The following F9 variants were observed in gnomAD, a reference collection of about 807,000 sequenced individuals.
F9 encodes the protein coagulation factor IX, also known as Christmas factor.
Under a neutral mutation model 34.1 loss-of-function variants are expected in F9, and 2 were observed. That is an observed-to-expected ratio of 0.06 (90% CI 0.02 to 0.18). F9 has a LOEUF of 0.18. Ranked by LOEUF, F9 falls within the 10% of genes least tolerant of loss-of-function variation. The pLI, the probability that F9 is intolerant of heterozygous loss-of-function variation, is 1.00. For synonymous variants in F9, 137 were observed against 118.8 expected (o/e 1.15, Z -1.00); for missense variants, 216 against 345.1 (o/e 0.63, Z 2.96).
chrX:139,558,373 C>A (rs1928018153), intron 6 of F9, among the ~76,000 whole-genome samples: 1 of 113,530 alleles, frequency 8.8e-6, no homozygotes, highest in Non-Finnish European at 1.9e-5. Flanking sequence ...GACACATCAT[C>A]CCCTGCTGGG....
In F9 at chrX:139,544,887, G is replaced by A. The variant is rs185479947; in HGVS notation, c.392-3476G>A. 1.1e-3 allele frequency: 128 copies of A among 111,880 alleles called. 2 individuals are homozygous for A. Among genetic ancestry groups the A allele is most frequent in the African/African-American group, 3.9e-3 (119 of 30,838 alleles). The allele number at this position is 111,880 out of a possible 1,213,427, so 9.2% of individuals were successfully genotyped here. A position where few individuals can be genotyped will look rare whatever the true frequency, so the allele number is the denominator to read the frequency against. ...TGTCTGTCAGTATCTGTCTCTCATT[G>A]GTTAGAAGTTCGACTTATGGGGAAT... On this transcript the variant is annotated intron_variant, in intron 4 of 7. Coordinates refer to ENST00000218099, the MANE Select transcript of F9 (RefSeq NM_000133.4).
At chrX:139,535,132 C>T (rs1927427150) in intron 1 of F9, among the ~76,000 whole-genome samples, 1 of 111,436 alleles carries the variant, frequency 9.0e-6, no homozygotes, top group Non-Finnish European at 1.9e-5. Flanking sequence ...AGGCAGATCA[C>T]TTGAGGTCAG....
intron 1 of F9, among the ~76,000 whole-genome samples, chrX:139,534,839 G>C (rs1927419672): frequency 3.6e-5 from 4 of 111,562 alleles, no homozygotes; most frequent in Admixed American, 1.9e-4. Flanking sequence ...CCAGGGCCAA[G>C]TAAATGAGTT....
At chrX:139,536,766 T>C (rs954354536) in intron 1 of F9, among the ~76,000 whole-genome samples, 1 of 112,195 alleles carries the variant, frequency 8.9e-6, no homozygotes, top group Non-Finnish European at 1.9e-5. Context: ...AATTCAAATA[T>C]GATTAGAAAT....
At chrX:139,533,662 G>GTAGTCAACCA (rs1927394002) in intron 1 of F9, among the ~76,000 whole-genome samples, 1 of 111,979 alleles carries the variant, frequency 8.9e-6, no homozygotes, top group African/African-American at 3.2e-5. Context: ...ACAGTGCCTG[G>GTAGTCAACCA]CAGTAGTGGT....
At chrX:139,558,325 C>T (rs1928017034) in intron 6 of F9, among the ~76,000 whole-genome samples, 1 of 113,505 alleles carries the variant, frequency 8.8e-6, no homozygotes, top group Non-Finnish European at 1.9e-5. Flanking sequence ...CACCTCTCCA[C>T]CTTGATTGCC....
At chrX:139,555,100 A>C (rs1369980750) in intron 6 of F9, among the ~76,000 whole-genome samples, 1 of 112,420 alleles carries the variant, frequency 8.9e-6, no homozygotes, top group Non-Finnish European at 1.9e-5. Context: ...CTTTCCAACC[A>C]ACAACCACTG....
At chrX:139,548,257 GA>G in intron 4 of F9, 105 bp from the exon 5 acceptor site, 13 of 879,920 alleles carry the variant, frequency 1.5e-5, no homozygotes, top group African/African-American at 2.0e-5. Flanking sequence ...GGGGCAACAT[GA>G]ATGCCCCCAA....
Position 139,548,250 on chromosome X carries a change from G to A in F9, c.392-113G>A, listed in dbSNP as rs749470342. Reference sequence around the variant, plus strand: ...TTTCTCTCCCCAACGTATATTGGGGGCAACATGAATGCCCCCAATGTATAT... The same window carrying A: ...TTTCTCTCCCCAACGTATATTGGGGACAACATGAATGCCCCCAATGTATAT... On this transcript the variant is annotated intron_variant, in intron 4 of 7. Transcript: ENST00000218099. 2.5e-4 allele frequency: 206 copies of A among 820,162 alleles called. No homozygotes were observed. In the East Asian group the frequency reaches 6.6e-3, roughly 26 times the overall value. The allele number at this position is 820,162 out of a possible 1,213,427, so 67.6% of individuals were successfully genotyped here.
rs756270566 is a variant in F9 at position 139,551,118 on chromosome X, G to A, written c.577G>A (p.Glu193Lys). Residue 193 changes from glutamate to lysine, a missense_variant, in exon 6 of 8, where the codon GAG becomes AAG. Transcript: ENST00000218099. ...ACAAACTTCTAAGCTCACCCGTGCT[G>A]AGACTGTTTTTCCTGATGTGGACTA... ...VSQTSKLTRA[E>K]TVFPDVDYVN... is the part of the protein sequence containing the mutation. 5 of 1,211,551 alleles carry A rather than the reference G, an allele frequency of 4.1e-6. No homozygotes were observed. Among genetic ancestry groups the A allele is most frequent in the South Asian group, 1.8e-5 (1 of 57,000 alleles).
intron 6 of F9, among the ~76,000 whole-genome samples, chrX:139,558,065 A>C (rs1928010427): frequency 8.9e-6 from 1 of 112,228 alleles, no homozygotes; most frequent in Non-Finnish European, 1.9e-5. Context: ...CTCCCTCCTC[A>C]TCCCTACCTA....
At chrX:139,558,849 G>A (rs1303990482) in intron 6 of F9, among the ~76,000 whole-genome samples, 1 of 111,622 alleles carries the variant, frequency 9.0e-6, no homozygotes, top group Non-Finnish European at 1.9e-5. Context: ...ATTAAGCTTC[G>A]ATTAGCCCCC....
At chrX:139,555,935 C>T (rs969930713) in intron 6 of F9, among the ~76,000 whole-genome samples, 2 of 111,434 alleles carry the variant, frequency 1.8e-5, no homozygotes, top group Admixed American at 9.5e-5. Context: ...GAAGCAACAC[C>T]GCATTTTGGC....
chrX:139,556,038 C>T (rs4149723), intron 6 of F9, among the ~76,000 whole-genome samples: 3,362 of 111,214 alleles, frequency 0.03, 128 homozygotes, highest in African/African-American at 0.11. Context: ...AAAATTCCTC[C>T]CACATTTCCG....
intron 1 of F9, 25 bp from the exon 2 acceptor site, chrX:139,536,985 A>G (rs780897125): frequency 3.2e-5 from 38 of 1,183,723 alleles, no homozygotes; most frequent in Non-Finnish European, 3.9e-5. Flanking sequence ...TGCTAAAACT[A>G]AAGAATTATT....
At chrX:139,543,920 T>C (rs771348917) in intron 4 of F9, among the ~76,000 whole-genome samples, 1 of 111,749 alleles carries the variant, frequency 8.9e-6, no homozygotes, top group Non-Finnish European at 1.9e-5. Context: ...TCCCCTGGAA[T>C]TCCTTGTGCC....
At position 139,561,885 on chromosome X, in the gene F9, T is replaced by A; in HGVS notation, c.1200T>A (p.His400Gln). The A allele has an allele frequency of 8.3e-7, 1 of 1,211,800 alleles. No homozygotes were observed. Among genetic ancestry groups the A allele is most frequent in the Non-Finnish European group, 1.1e-6 (1 of 895,552 alleles). ...ACAACATGTTCTGTGCTGGCTTCCA[T>A]GAAGGAGGTAGAGATTCATGTCAAG... ...IYNNMFCAGFHEGGRDSCQGD... is the reference protein window; with the variant it reads ...IYNNMFCAGFQEGGRDSCQGD... Residue 400 changes from histidine (H) to glutamine (Q), a missense_variant, in exon 8 of 8, where the codon CAT becomes CAA. Physicochemically the swap from His to Gln is conservative, Grantham distance 24. Transcript: ENST00000218099.
intron 1 of F9, among the ~76,000 whole-genome samples, chrX:139,536,029 A>G (rs1482229121): frequency 1.8e-5 from 2 of 109,441 alleles, no homozygotes; most frequent in East Asian, 5.7e-4. Context: ...GGTACAGTGA[A>G]AATACAGTAT....
intron 5 of F9, among the ~76,000 whole-genome samples, chrX:139,549,112 ATGT>A (rs1927783962): frequency 9.0e-6 from 1 of 111,501 alleles, no homozygotes; most frequent in African/African-American, 3.3e-5. Flanking sequence ...TCTCCACTCC[ATGT>A]TCGTATGGCT....
Sources: gnomAD v4.1 joint callset for allele counts (sites outside exome capture counted in the v4.1 genomes callset) on GRCh38, gnomAD v4.1.1 for gene constraint, MANE v1.5 for transcripts, NCBI Gene and HGNC (gene_info 2026-07-23, HGNC 2026-07-21) for gene names.